The following ASPRV1 variants were observed in gnomAD, a reference collection of about 807,000 sequenced individuals.
ASPRV1 encodes the protein retroviral-like aspartic protease 1.
In ASPRV1, 7 loss-of-function variants were observed where a neutral mutation model predicts 11.0. The observed-to-expected ratio is 0.64, with a 90% CI of 0.36 to 1.20. ASPRV1 has a LOEUF of 1.20. Ranked by LOEUF, ASPRV1 falls within the 50% of genes most tolerant of loss-of-function variation. ASPRV1 has a pLI of 0.02. For synonymous variants in ASPRV1, 136 were observed against 138.4 expected, an observed-to-expected ratio of 0.98 and a Z score of 0.12; for missense variants, 299 against 320.0, an observed-to-expected ratio of 0.93 and a Z score of 0.50.
At chr2:70,005,896 GTT>G in the ASPRV1 span, among the ~76,000 whole-genome samples, 1 of 152,130 alleles carries the variant, frequency 6.6e-6, no homozygotes, top group Admixed American at 6.6e-5. Context: ...CTCAGCCCCT[GTT>G]TACATAGAGA....
chr2:69,972,638 G>T, the ASPRV1 span, among the ~76,000 whole-genome samples: 10 of 152,118 alleles, frequency 6.6e-5, no homozygotes, highest in Non-Finnish European at 1.5e-4. Flanking sequence ...GATTACAGGC[G>T]TGAGCCATTC....
chr2:70,074,567 C>G, the ASPRV1 span, among the ~76,000 whole-genome samples: 1 of 151,524 alleles, frequency 6.6e-6, no homozygotes, highest in South Asian at 2.1e-4. Flanking sequence ...TGAGCCACCG[C>G]GCCTGGCCCC....
downstream of ASPRV1, among the ~76,000 whole-genome samples, chr2:69,957,076 T>C (rs1261570828): frequency 1.3e-5 from 2 of 152,204 alleles, no homozygotes; most frequent in Admixed American, 6.5e-5. Context: ...AACAATGTTC[T>C]TGTTGGGATA....
the ASPRV1 span, among the ~76,000 whole-genome samples, chr2:69,987,571 C>T: frequency 1.4e-5 from 2 of 143,008 alleles, no homozygotes; most frequent in Non-Finnish European, 3.0e-5. Flanking sequence ...CAAAGTGAGA[C>T]CTCATCTCTA....
At chr2:70,025,875 G>T in the ASPRV1 span, among the ~76,000 whole-genome samples, 1 of 152,206 alleles carries the variant, frequency 6.6e-6, no homozygotes, top group Non-Finnish European at 1.5e-5. Flanking sequence ...TGGGTTGAAA[G>T]AATTAAAATA....
At chr2:69,988,677 G>T in the ASPRV1 span, 5 of 422,424 alleles carry the variant, frequency 1.2e-5, no homozygotes, top group South Asian at 8.3e-5. Flanking sequence ...TAAAATGGTC[G>T]ATTTTATGTT....
the ASPRV1 span, among the ~76,000 whole-genome samples, chr2:70,066,404 A>C: frequency 6.6e-6 from 1 of 150,498 alleles, no homozygotes; most frequent in Non-Finnish European, 1.5e-5. Context: ...ACGCCCAGCT[A>C]ATTTTTGTAT....
At chr2:69,947,858 G>T in the ASPRV1 span, among the ~76,000 whole-genome samples, 1 of 152,136 alleles carries the variant, frequency 6.6e-6, no homozygotes, top group Non-Finnish European at 1.5e-5. Context: ...AGAAGAACTG[G>T]GGCTCCTTTG....
chr2:70,078,666 G>C, the ASPRV1 span, among the ~76,000 whole-genome samples: 1 of 152,234 alleles, frequency 6.6e-6, no homozygotes, highest in Admixed American at 6.5e-5. Flanking sequence ...AGCACAAGGG[G>C]AAGTGGTAGG....
the ASPRV1 span, among the ~76,000 whole-genome samples, chr2:70,039,110 G>A: frequency 6.6e-6 from 1 of 151,646 alleles, no homozygotes; most frequent in East Asian, 1.9e-4. Context: ...GCCAACATAT[G>A]TGGGTGATAT....
the ASPRV1 span, among the ~76,000 whole-genome samples, chr2:70,041,305 T>C: frequency 6.6e-6 from 1 of 152,232 alleles, no homozygotes; most frequent in Non-Finnish European, 1.5e-5. Context: ...CCAGCTGTGC[T>C]GGTTGGGAAT....
At chr2:69,933,484 CAGA>C in the ASPRV1 span, among the ~76,000 whole-genome samples, 1 of 141,104 alleles carries the variant, frequency 7.1e-6, no homozygotes, top group African/African-American at 2.9e-5. Flanking sequence ...ACAGGTTTTT[CAGA>C]AGAAGTGAAA....
At chr2:70,026,851 C>A in the ASPRV1 span, among the ~76,000 whole-genome samples, 1 of 152,068 alleles carries the variant, frequency 6.6e-6, no homozygotes, top group Admixed American at 6.6e-5. Context: ...AAAAAACAAC[C>A]CTAACATTCC....
At chr2:70,048,745 C>A in the ASPRV1 span, 1 of 152,360 alleles carries the variant, frequency 6.6e-6, no homozygotes, top group East Asian at 1.9e-4. Flanking sequence ...AGTTTGAAAT[C>A]CAGGTGTCAG....
At chr2:69,952,360 A>C in the ASPRV1 span, among the ~76,000 whole-genome samples, 1 of 152,064 alleles carries the variant, frequency 6.6e-6, no homozygotes, top group Non-Finnish European at 1.5e-5. Flanking sequence ...AAATACAAAA[A>C]TTAGGCATGG....
At chr2:70,047,318 C>T in the ASPRV1 span, among the ~76,000 whole-genome samples, 2 of 152,170 alleles carry the variant, frequency 1.3e-5, no homozygotes, top group Non-Finnish European at 2.9e-5. Flanking sequence ...ATGCAAGAAG[C>T]TATTCAGGAA....
the ASPRV1 span, chr2:69,940,907 GATTCGCCA>G: frequency 6.5e-6 from 1 of 152,680 alleles, no homozygotes; most frequent in Non-Finnish European, 1.5e-5. Flanking sequence ...CGGCAGCCCT[GATTCGCCA>G]ATTTGTCCTC....
the ASPRV1 span, chr2:69,993,326 G>A: frequency 6.6e-6 from 1 of 152,382 alleles, no homozygotes; most frequent in Non-Finnish European, 1.5e-5. Flanking sequence ...CCATCCCCAG[G>A]AAGTGTCCAG....
the ASPRV1 span, among the ~76,000 whole-genome samples, chr2:70,044,483 G>A: frequency 6.6e-6 from 1 of 152,172 alleles, no homozygotes; most frequent in Non-Finnish European, 1.5e-5. Context: ...TTCTGAGACA[G>A]AGTTCCACTC....
Sources: gnomAD v4.1 joint callset for allele counts (sites outside exome capture counted in the v4.1 genomes callset) on GRCh38, gnomAD v4.1.1 for gene constraint, MANE v1.5 for transcripts, NCBI Gene and HGNC (gene_info 2026-07-23, HGNC 2026-07-21) for gene names.